GALNT2: variants seen among roughly 807,000 people sequenced by gnomAD.
The protein encoded by GALNT2 is polypeptide N-acetylgalactosaminyltransferase 2.
A neutral mutation model predicts 81.4 loss-of-function variants in GALNT2; 31 were observed. The observed-to-expected ratio is 0.38, with a 90% CI of 0.29 to 0.51. The LOEUF is 0.51. Among genes scored for constraint, GALNT2 ranks in the 20% least tolerant of loss-of-function variants. The pLI is 0.87. For missense variants in GALNT2, 629 were observed against 765.7 expected (o/e 0.82, Z 2.11); for synonymous variants, 303 against 287.4 (o/e 1.05, Z -0.55).
At chr1:230,182,633 AT>A (rs1663195702) in intron 2 of GALNT2, among the ~76,000 whole-genome samples, 1 of 152,172 alleles carries the variant, frequency 6.6e-6, no homozygotes, top group Non-Finnish European at 1.5e-5. Flanking sequence ...TTGTTAAGGT[AT>A]GCTTTGTGGC....
At chr1:230,208,861 G>T (rs1192838899) in intron 3 of GALNT2, among the ~76,000 whole-genome samples, 1 of 152,134 alleles carries the variant, frequency 6.6e-6, no homozygotes, top group Non-Finnish European at 1.5e-5. Context: ...AAATGTGGGG[G>T]TGGAGGATCG....
At chr1:230,165,443 A>C (rs1348936153) in intron 1 of GALNT2, among the ~76,000 whole-genome samples, 1 of 152,226 alleles carries the variant, frequency 6.6e-6, no homozygotes, top group African/African-American at 2.4e-5. Context: ...ATTTGTGCAT[A>C]AGATTTATTC....
intron 2 of GALNT2, among the ~76,000 whole-genome samples, chr1:230,190,676 A>G (rs1178802224): frequency 2.0e-5 from 3 of 151,952 alleles, no homozygotes; most frequent in African/African-American, 7.3e-5. Context: ...GCCTTTTTCT[A>G]TGGGCAGTTC....
intron 2 of GALNT2, among the ~76,000 whole-genome samples, chr1:230,184,314 G>A (rs978855500): frequency 1.1e-4 from 16 of 151,416 alleles, no homozygotes; most frequent in Non-Finnish European, 1.8e-4. Context: ...TCAGCCTCCC[G>A]AGTAGCTGGG....
Position 230,175,601 on chromosome 1 carries a change from GTCC to G in GALNT2, c.127-2607_127-2605del, listed in dbSNP as rs112086633. On this transcript the variant is annotated intron_variant, in intron 1 of 15. Transcript: ENST00000366672. Reference sequence around the variant, plus strand: ...CTCCTCCCCTCCTCGTCCCCTCCTCGTCCTCCTCCTCCCCCTCCCTCTCCCCTC... The same window carrying G: ...CTCCTCCCCTCCTCGTCCCCTCCTCGTCCTCCTCCCCCTCCCTCTCCCCTC... Among the ~76,000 whole-genome samples, 11 of 72,818 alleles carry G rather than the reference GTCC, an allele frequency of 1.5e-4. No homozygotes were observed. The Admixed American group carries it at 1.5e-3, about 10-fold the overall frequency. 47.8% of individuals were successfully genotyped at this position (72,818 alleles called of 152,430 possible).
At chr1:230,090,505 A>T (rs1481674832) in intron 1 of GALNT2, among the ~76,000 whole-genome samples, 1 of 151,946 alleles carries the variant, frequency 6.6e-6, no homozygotes, top group East Asian at 1.9e-4. Context: ...CTTAGGAGAA[A>T]TAACGGTTGT....
intron 1 of GALNT2, among the ~76,000 whole-genome samples, chr1:230,152,533 G>A (rs1329135591): frequency 6.6e-6 from 1 of 152,202 alleles, no homozygotes; most frequent in African/African-American, 2.4e-5. Context: ...ATGGATGGGC[G>A]TGCATGTATT....
chr1:230,122,306 G>A (rs1571986845), intron 1 of GALNT2, among the ~76,000 whole-genome samples: 1 of 152,124 alleles, frequency 6.6e-6, no homozygotes, highest in Non-Finnish European at 1.5e-5. Flanking sequence ...AAAAGATATC[G>A]CTTTCCCTTG....
Position 230,280,338 on chromosome 1 carries a change from C to T in GALNT2, c.*880C>T, listed in dbSNP as rs79130823. On this transcript the variant is annotated 3_prime_UTR_variant, in exon 16 of 16. Transcript: ENST00000366672. ...CGTCAGCCTGAGAGTCCCTACTGTG[C>T]GTCAGAATCCACCTTGCGTGCTGTG... is the stretch of plus-strand genomic sequence containing the variant. 1,615 of 271,924 alleles carry T rather than the reference C, an allele frequency of 5.9e-3. 14 individuals carry two copies. The highest frequency in any genetic ancestry group is 0.025 in the African/African-American group (1,163 of 46,144). The allele number at this position is 271,924 out of a possible 1,614,324, so 16.8% of individuals were successfully genotyped here. A position where few individuals can be genotyped will look rare whatever the true frequency, so the allele number is the denominator to read the frequency against.
chr1:230,067,753 G>T (rs1371200177), intron 1 of GALNT2, among the ~76,000 whole-genome samples: 20 of 152,338 alleles, frequency 1.3e-4, no homozygotes. Flanking sequence ...ACACAAAGGG[G>T]GTGGGGAGGA....
At chr1:230,124,873 G>T (rs1202238572) in intron 1 of GALNT2, among the ~76,000 whole-genome samples, 1 of 152,136 alleles carries the variant, frequency 6.6e-6, no homozygotes, top group Non-Finnish European at 1.5e-5. Flanking sequence ...CAGCTATGTG[G>T]TTAGTAACTC....
At chr1:230,194,674 G>T (rs562047549) in intron 2 of GALNT2, among the ~76,000 whole-genome samples, 99 of 152,358 alleles carry the variant, frequency 6.5e-4, no homozygotes, top group African/African-American at 2.3e-3. Flanking sequence ...CTGCGAGGTG[G>T]CCAGGAGGGG....
At chr1:230,272,465 A>G (rs896308285) in intron 14 of GALNT2, among the ~76,000 whole-genome samples, 1 of 152,188 alleles carries the variant, frequency 6.6e-6, no homozygotes, top group Non-Finnish European at 1.5e-5. Context: ...TCCCAAATTC[A>G]TTTGACCTAG....
chr1:230,267,746 G>A (rs1424923311), intron 14 of GALNT2, among the ~76,000 whole-genome samples: 2 of 152,226 alleles, frequency 1.3e-5, no homozygotes, highest in East Asian at 1.9e-4. Flanking sequence ...AGGAGGAGGA[G>A]CCAGCTGGTA....
In GALNT2 at chr1:230,255,311, C is replaced by A; in HGVS notation, c.1103C>A (p.Thr368Lys). ...GHVFRKQHPYTFPGGSGTVFA... is the reference protein window; with the variant it reads ...GHVFRKQHPYKFPGGSGTVFA... ...GTGTTCCGGAAGCAGCACCCCTACACGTTCCCGGGTGGCAGTGGCACTGTC... is the reference window on the plus strand; with the variant it reads ...GTGTTCCGGAAGCAGCACCCCTACAAGTTCCCGGGTGGCAGTGGCACTGTC... The change falls in exon 11 of 16, where the codon ACG (threonine) becomes AAG (lysine). Residue 368 changes from threonine (T) to lysine (K), a missense_variant. Physicochemically the swap from Thr to Lys is moderately conservative, Grantham distance 78. Coordinates refer to ENST00000366672, the MANE Select transcript of GALNT2 (RefSeq NM_004481.5). 2 of 1,614,200 alleles carry A rather than the reference C, an allele frequency of 1.2e-6. No homozygotes were observed. Among genetic ancestry groups the A allele is most frequent in the Non-Finnish European group, 1.7e-6 (2 of 1,180,044 alleles).
rs3088075 is a variant in GALNT2 at position 230,281,648 on chromosome 1, T to C, written c.*2190T>C. On this transcript the variant is annotated 3_prime_UTR_variant, in exon 16 of 16. Coordinates refer to ENST00000366672, the MANE Select transcript of GALNT2 (RefSeq NM_004481.5). ...TCCCACGTGTCTACCCAGACCCTTG[T>C]GCGGCCCATGCCCTGGGGGCGGCGT... is the stretch of plus-strand genomic sequence containing the variant. The C allele has an allele frequency of 0.18, 27,749 of 152,662 alleles. 3,544 individuals carry two copies. Among genetic ancestry groups the C allele is most frequent in the East Asian group, 0.46 (2,349 of 5,162 alleles). 9.5% of individuals were successfully genotyped at this position (152,662 alleles called of 1,614,324 possible). A position where few individuals can be genotyped will look rare whatever the true frequency, so the allele number is the denominator to read the frequency against.
At chr1:230,059,079 T>C (rs539437715) in intron 1 of GALNT2, among the ~76,000 whole-genome samples, 8 of 152,332 alleles carry the variant, frequency 5.3e-5, no homozygotes, top group African/African-American at 1.9e-4. Flanking sequence ...TTCTCCTGAT[T>C]GGGTATTGTC....
At chr1:230,089,652 G>A (rs1270268267) in intron 1 of GALNT2, among the ~76,000 whole-genome samples, 1 of 152,312 alleles carries the variant, frequency 6.6e-6, no homozygotes, top group South Asian at 2.1e-4. Flanking sequence ...GCTCATGTAA[G>A]TGGAGTCATT....
chr1:230,262,404 C>T (rs1333795400), intron 11 of GALNT2, 169 bp from the exon 12 acceptor site: 12 of 598,006 alleles, frequency 2.0e-5, no homozygotes, highest in African/African-American at 1.1e-4. Context: ...AGGTCCAGCT[C>T]GAGGTGCTGG....
Sources: allele counts gnomAD v4.1 joint callset (sites outside exome capture counted in the v4.1 genomes callset), GRCh38; gene constraint gnomAD v4.1.1; transcripts MANE v1.5; gene names NCBI Gene and HGNC (gene_info 2026-07-23, HGNC 2026-07-21).